The following ADGB variants were observed in gnomAD, a reference collection of about 807,000 sequenced individuals.
ADGB encodes calpain-7-like protein.
Under a neutral mutation model 210.5 loss-of-function variants are expected in ADGB, and 172 were observed. That is an observed-to-expected ratio of 0.82 (90% CI 0.72 to 0.93). ADGB has a LOEUF of 0.93. Ranked by LOEUF, ADGB falls within the 40% of genes least tolerant of loss-of-function variation. The pLI is 0.00. For missense variants in ADGB, 2,025 were observed against 1,964.8 expected, an observed-to-expected ratio of 1.03 and a Z score of -0.58; for synonymous variants, 658 against 662.7, an observed-to-expected ratio of 0.99 and a Z score of 0.11.
chr6:146,747,783 A>ATTT (rs66842165), intron 26 of ADGB, among the ~76,000 whole-genome samples: 3,001 of 140,966 alleles, frequency 0.021, 61 homozygotes, highest in Non-Finnish European at 0.029. Flanking sequence ...ATATATATGT[A>ATTT]TTTTTTTTTT....
chr6:146,648,400 G>C (rs1775652939), intron 3 of ADGB, among the ~76,000 whole-genome samples: 1 of 151,950 alleles, frequency 6.6e-6, no homozygotes, highest in Non-Finnish European at 1.5e-5. Context: ...CCTGAGACTG[G>C]GTAATTTATG....
intron 29 of ADGB, among the ~76,000 whole-genome samples, chr6:146,775,927 A>C (rs1230661911): frequency 6.6e-6 from 1 of 152,104 alleles, no homozygotes; most frequent in Non-Finnish European, 1.5e-5. Context: ...GAAATATGTA[A>C]ATTTTCAAAT....
chr6:146,742,448 C>G (rs1482859721), intron 25 of ADGB, among the ~76,000 whole-genome samples: 1 of 151,772 alleles, frequency 6.6e-6, no homozygotes, highest in Non-Finnish European at 1.5e-5. Flanking sequence ...TTAAATTTGG[C>G]AAATTTAACA....
At chr6:146,664,422 T>G in intron 6 of ADGB, 82 bp downstream of exon 6, 2 of 1,344,272 alleles carry the variant, frequency 1.5e-6, no homozygotes, top group Non-Finnish European at 1.9e-6. Context: ...ATAATTTATT[T>G]TTTTAAAATT....
chr6:146,806,254 G>C (rs1417928407), intron 35 of ADGB, among the ~76,000 whole-genome samples: 5 of 152,178 alleles, frequency 3.3e-5, no homozygotes, highest in African/African-American at 1.2e-4. Context: ...CACAGAGAGA[G>C]CCCTAGTTTT....
At chr6:146,661,222 T>C (rs1443195753) in intron 5 of ADGB, among the ~76,000 whole-genome samples, 321 of 54,874 alleles carry the variant, frequency 5.8e-3, no homozygotes, top group African/African-American at 0.03. Context: ...CTTTTTTTCT[T>C]TTTTTTTTTT....
intron 19 of ADGB, among the ~76,000 whole-genome samples, chr6:146,727,879 T>A (rs1019769119): frequency 2.0e-5 from 3 of 152,252 alleles, no homozygotes. Flanking sequence ...TAGCAAGGCA[T>A]CTGTGCTTCA....
At chr6:146,703,679 C>G (rs893007309) in intron 13 of ADGB, among the ~76,000 whole-genome samples, 1 of 151,838 alleles carries the variant, frequency 6.6e-6, no homozygotes, top group Admixed American at 6.6e-5. Context: ...TGTATATATA[C>G]CATATTTTCC....
chr6:146,666,745 T>A (rs991607550), intron 6 of ADGB, 71 bp from the exon 7 acceptor site: 5 of 904,984 alleles, frequency 5.5e-6, no homozygotes, highest in Non-Finnish European at 8.6e-6. Flanking sequence ...TATTAATGAT[T>A]CCTAGTTCTT....
rs186288231 is a variant in ADGB, at chr6:146,745,358, A to T, written c.3178-564A>T. 2.5e-4 allele frequency among the ~76,000 whole-genome samples: 38 copies of T among 152,282 alleles called. No homozygotes were observed. In the East Asian group the frequency reaches 6.0e-3, roughly 24 times the overall value. ...GTTAAACCAAGCTCTTCCCCATCAT[A>T]AAGTAAGCCATTCCCAGGCTCTTGA... On this transcript the variant is annotated intron_variant, in intron 25 of 35. Coordinates refer to ENST00000397944, the MANE Select transcript of ADGB (RefSeq NM_024694.4).
chr6:146,805,150 T>C (rs1233450093), intron 35 of ADGB, among the ~76,000 whole-genome samples: 4 of 152,182 alleles, frequency 2.6e-5, no homozygotes, highest in Non-Finnish European at 5.9e-5. Context: ...TCTACCATGA[T>C]TATTACAACA....
At chr6:146,713,086 A>C (rs1157566021) in intron 13 of ADGB, among the ~76,000 whole-genome samples, 1 of 152,206 alleles carries the variant, frequency 6.6e-6, no homozygotes, top group African/African-American at 2.4e-5. Context: ...ACGTGTGTCA[A>C]GATTTCTTCC....
At chr6:146,753,095 G>A (rs1014930692) in intron 27 of ADGB, among the ~76,000 whole-genome samples, 2 of 152,108 alleles carry the variant, frequency 1.3e-5, no homozygotes, top group Non-Finnish European at 2.9e-5. Context: ...TATTCTCAAT[G>A]AGTTATTAAA....
chr6:146,740,063 T>C (rs182053710), intron 23 of ADGB, among the ~76,000 whole-genome samples: 2 of 152,342 alleles, frequency 1.3e-5, no homozygotes, highest in Non-Finnish European at 2.9e-5. Flanking sequence ...TCAGTCTCCA[T>C]TCTCTCTACT....
intron 19 of ADGB, among the ~76,000 whole-genome samples, chr6:146,726,414 G>A (rs3747755): frequency 0.21 from 31,472 of 151,788 alleles, 3,633 homozygotes; most frequent in Middle Eastern, 0.3. Flanking sequence ...TATTAGAGAC[G>A]GGGTTTCACT....
chr6:146,694,488 G>C (rs1332269728), intron 12 of ADGB, among the ~76,000 whole-genome samples: 2 of 152,054 alleles, frequency 1.3e-5, no homozygotes, highest in Admixed American at 1.3e-4. Context: ...CATTATTTCA[G>C]GGTTTAGGAT....
At chr6:146,617,401 C>A (rs1780818404) in intron 1 of ADGB, among the ~76,000 whole-genome samples, 1 of 152,064 alleles carries the variant, frequency 6.6e-6, no homozygotes, top group African/African-American at 2.4e-5. Flanking sequence ...TAATTGGCTT[C>A]TTTCTTTCCA....
rs538186287 is a variant in ADGB at position 146,607,941 on chromosome 6, C to T, written c.74+8827C>T. ...AGAATGAGATAGGGAGGAGTCCCTC[C>T]CCTCGATGTGTTGGAATCGTTTCAG... On this transcript the variant is annotated intron_variant, in intron 1 of 35. Transcript: ENST00000397944. Among the ~76,000 whole-genome samples the T allele has an allele frequency of 2.0e-5, 3 of 152,156 alleles. No individual in the cohort carries two copies. In the East Asian group the frequency reaches 5.8e-4, roughly 29 times the overall value.
At chr6:146,795,363 C>T (rs1338618242) in intron 33 of ADGB, among the ~76,000 whole-genome samples, 1 of 152,078 alleles carries the variant, frequency 6.6e-6, no homozygotes, top group Non-Finnish European at 1.5e-5. Context: ...ACAGAGTAAA[C>T]AAACAACCTA....
Sources: gnomAD v4.1 joint callset for allele counts (sites outside exome capture counted in the v4.1 genomes callset) on GRCh38, gnomAD v4.1.1 for gene constraint, MANE v1.5 for transcripts, NCBI Gene and HGNC (gene_info 2026-07-23, HGNC 2026-07-21) for gene names.